SLC35F1: variants seen among roughly 807,000 people sequenced by gnomAD.
SLC35F1 encodes chromosome 6 open reading frame 169.
Under a neutral mutation model 48.7 loss-of-function variants are expected in SLC35F1, and 14 were observed. The observed-to-expected ratio is 0.29, with a 90% CI of 0.19 to 0.45. The LOEUF (loss-of-function observed/expected upper bound fraction) is 0.45. SLC35F1 is among the 20% of genes least tolerant of loss of function. The pLI, the probability that SLC35F1 is intolerant of heterozygous loss-of-function variation, is 1.00. For missense variants in SLC35F1, 404 were observed against 500.0 expected (o/e 0.81, Z 1.83); for synonymous variants, 190 against 202.2 (o/e 0.94, Z 0.51).
intron 2 of SLC35F1, among the ~76,000 whole-genome samples, chr6:118,226,187 T>G (rs1206617747): frequency 6.6e-6 from 1 of 152,146 alleles, no homozygotes; most frequent in African/African-American, 2.4e-5. Flanking sequence ...TTATAATGAC[T>G]TTTGTCAAAA....
chr6:117,955,184 T>G (rs995685644), intron 1 of SLC35F1, among the ~76,000 whole-genome samples: 1 of 152,224 alleles, frequency 6.6e-6, no homozygotes, highest in African/African-American at 2.4e-5. Flanking sequence ...TTTGGCTATT[T>G]TATATTTCAG....
chr6:118,103,269 A>T (rs199549106), intron 1 of SLC35F1, among the ~76,000 whole-genome samples: 19 of 138,456 alleles, frequency 1.4e-4, no homozygotes, highest in African/African-American at 3.1e-4. Context: ...TTATTTTTTT[A>T]AATTTTATTA....
intron 2 of SLC35F1, among the ~76,000 whole-genome samples, chr6:118,195,932 T>A (rs972977073): frequency 1.3e-5 from 2 of 152,212 alleles, no homozygotes; most frequent in Non-Finnish European, 2.9e-5. Flanking sequence ...CTTCGGACCC[T>A]GCTTCTGACA....
chr6:118,236,185 C>A (rs1021048917), intron 3 of SLC35F1, among the ~76,000 whole-genome samples: 2 of 152,026 alleles, frequency 1.3e-5, no homozygotes, highest in Admixed American at 6.6e-5. Flanking sequence ...ATGTGTTATG[C>A]GTGAAGATAG....
chr6:117,997,241 A>G (rs1395926774), intron 1 of SLC35F1, among the ~76,000 whole-genome samples: 1 of 152,194 alleles, frequency 6.6e-6, no homozygotes, highest in Non-Finnish European at 1.5e-5. Flanking sequence ...ATAAAAAGAA[A>G]CAAACAAAGC....
intron 1 of SLC35F1, among the ~76,000 whole-genome samples, chr6:118,061,179 T>C (rs527861073): frequency 1.3e-5 from 2 of 152,324 alleles, no homozygotes; most frequent in Non-Finnish European, 2.9e-5. Flanking sequence ...GAATGGACCA[T>C]CCATTCCCCG....
At chr6:118,021,451 G>A (rs968579138) in intron 1 of SLC35F1, among the ~76,000 whole-genome samples, 2 of 152,158 alleles carry the variant, frequency 1.3e-5, no homozygotes, top group African/African-American at 4.8e-5. Context: ...TCTGTATTGG[G>A]AAAGGGTGAC....
chr6:118,109,416 T>A (rs1237072316), intron 1 of SLC35F1, among the ~76,000 whole-genome samples: 1 of 152,176 alleles, frequency 6.6e-6, no homozygotes, highest in Non-Finnish European at 1.5e-5. Flanking sequence ...CTTTATTCTT[T>A]CCCATGCTGG....
chr6:118,294,707 C>A (rs538270350), intron 7 of SLC35F1, among the ~76,000 whole-genome samples: 2 of 152,244 alleles, frequency 1.3e-5, no homozygotes, highest in South Asian at 2.1e-4. Flanking sequence ...GCTCTCCATG[C>A]TGAACAGGCT....
chr6:117,952,902 G>C (rs1776382202), intron 1 of SLC35F1, among the ~76,000 whole-genome samples: 1 of 152,088 alleles, frequency 6.6e-6, no homozygotes, highest in East Asian at 1.9e-4. Flanking sequence ...CTAGTTTCTG[G>C]TTTTCAACAA....
intron 7 of SLC35F1, among the ~76,000 whole-genome samples, chr6:118,295,787 C>G (rs772390500): frequency 3.1e-4 from 47 of 152,208 alleles, no homozygotes; most frequent in Middle Eastern, 3.4e-3. Flanking sequence ...AAAATTAATA[C>G]TTAGCCTTTT....
chr6:118,300,168 A>AT (rs1388190921), intron 7 of SLC35F1, among the ~76,000 whole-genome samples: 3 of 152,052 alleles, frequency 2.0e-5, no homozygotes, highest in East Asian at 1.9e-4. Context: ...TATACAGACC[A>AT]TTTTTTTTCT....
At chr6:118,152,628 A>G (rs1263064617) in intron 1 of SLC35F1, among the ~76,000 whole-genome samples, 1 of 152,204 alleles carries the variant, frequency 6.6e-6, no homozygotes, top group Non-Finnish European at 1.5e-5. Context: ...CAGGGAAGCT[A>G]TCTTTTATGA....
chr6:118,012,372 G>A (rs137942655), intron 1 of SLC35F1, among the ~76,000 whole-genome samples: 1 of 151,938 alleles, frequency 6.6e-6, no homozygotes, highest in East Asian at 1.9e-4. Flanking sequence ...AGACCCTCTG[G>A]ATACGTGACT....
chr6:118,272,944 A>G (rs879596006), intron 4 of SLC35F1, among the ~76,000 whole-genome samples: 7 of 151,284 alleles, frequency 4.6e-5, no homozygotes, highest in African/African-American at 1.7e-4. Context: ...ATTGGATAAA[A>G]TTATGTTCTG....
intron 1 of SLC35F1, among the ~76,000 whole-genome samples, chr6:118,009,263 G>A (rs1777214837): frequency 1.3e-5 from 2 of 152,130 alleles, no homozygotes; most frequent in South Asian, 2.1e-4. Context: ...GGCAGATTAA[G>A]GAGATCCTAA....
intron 2 of SLC35F1, among the ~76,000 whole-genome samples, chr6:118,167,884 C>T (rs532323752): frequency 3.3e-5 from 5 of 152,310 alleles, no homozygotes; most frequent in Admixed American, 6.5e-5. Context: ...ACCAAAACAT[C>T]GTTATACAGC....
chr6:118,109,273 G>T (rs934608324), intron 1 of SLC35F1, among the ~76,000 whole-genome samples: 8 of 152,286 alleles, frequency 5.3e-5, no homozygotes, highest in Non-Finnish European at 8.8e-5. Context: ...GTGTCTAAAG[G>T]TTTATAATTA....
At chr6:118,010,624 A>T (rs1361746724) in intron 1 of SLC35F1, among the ~76,000 whole-genome samples, 7 of 152,212 alleles carry the variant, frequency 4.6e-5, no homozygotes, top group Non-Finnish European at 8.8e-5. Flanking sequence ...TGGTTCTGTT[A>T]GGCACAGTCC....
Sources: allele counts gnomAD v4.1 joint callset (sites outside exome capture counted in the v4.1 genomes callset), GRCh38; gene constraint gnomAD v4.1.1; transcripts MANE v1.5; gene names NCBI Gene and HGNC (gene_info 2026-07-23, HGNC 2026-07-21).